Variants in USH2A observed in about 807,000 individuals in gnomAD.
USH2A encodes the protein usherin, also known as Usher syndrome 2A (autosomal recessive, mild).
A neutral mutation model predicts 538.9 loss-of-function variants in USH2A; 443 were observed. The ratio of observed to expected loss-of-function variants is 0.82; its 90% confidence interval spans 0.76 to 0.89. The LOEUF is 0.89. USH2A is among the 40% of genes least tolerant of loss of function. The pLI is 0.00. For missense variants in USH2A, 6,633 were observed against 6,324.8 expected, an observed-to-expected ratio of 1.05 and a Z score of -1.65; for synonymous variants, 2,413 against 2,273.5, an observed-to-expected ratio of 1.06 and a Z score of -1.75.
chr1:216,257,131 T>C (rs2036275565), intron 11 of USH2A, among the ~76,000 whole-genome samples: 1 of 152,040 alleles, frequency 6.6e-6, no homozygotes, highest in African/African-American at 2.4e-5. Flanking sequence ...GTGCTCTTTG[T>C]TTCTTTGTGC....
chr1:215,906,333 C>A (rs1665639925), intron 38 of USH2A, among the ~76,000 whole-genome samples: 1 of 151,980 alleles, frequency 6.6e-6, no homozygotes, highest in Admixed American at 6.6e-5. Context: ...GAATTACACT[C>A]CAAAATTGTA....
intron 64 of USH2A, among the ~76,000 whole-genome samples, chr1:215,666,174 T>A (rs949565406): frequency 6.6e-6 from 1 of 151,794 alleles, no homozygotes; most frequent in Non-Finnish European, 1.5e-5. Flanking sequence ...ACTAGAAAAA[T>A]CCCCTGTTTT....
intron 21 of USH2A, among the ~76,000 whole-genome samples, chr1:216,122,977 C>T (rs1571979269): frequency 6.6e-6 from 1 of 152,086 alleles, no homozygotes; most frequent in East Asian, 1.9e-4. Context: ...AATGACTGAA[C>T]ACTGAAAAGA....
chr1:215,913,093 AC>A (rs950698468), intron 38 of USH2A, among the ~76,000 whole-genome samples: 1 of 152,138 alleles, frequency 6.6e-6, no homozygotes, highest in African/African-American at 2.4e-5. Context: ...GAAAGATTAA[AC>A]ATTTGTGATA....
chr1:215,743,369 A>AAC (rs1660361584), intron 58 of USH2A, 34 bp from the exon 59 acceptor site: 2 of 928,120 alleles, frequency 2.2e-6, no homozygotes, highest in South Asian at 1.4e-5. Context: ...GAACATTAAA[A>AAC]ACATATATAT....
intron 37 of USH2A, among the ~76,000 whole-genome samples, chr1:215,950,977 AT>A (rs1165377925): frequency 1.3e-5 from 2 of 152,054 alleles, no homozygotes; most frequent in Non-Finnish European, 2.9e-5. Context: ...TGATCTATCA[AT>A]TTTGTTGATC....
At chr1:216,014,152 T>C (rs558685233) in intron 32 of USH2A, among the ~76,000 whole-genome samples, 22 of 152,030 alleles carry the variant, frequency 1.4e-4, no homozygotes, top group African/African-American at 5.1e-4. Context: ...GTGATCTGAT[T>C]GGGAAATTCT....
At chr1:215,741,564 T>C (rs1206540496) in intron 59 of USH2A, 27 bp from the exon 60 acceptor site, 1 of 1,609,534 alleles carries the variant, frequency 6.2e-7, no homozygotes, top group Non-Finnish European at 8.5e-7. Context: ...TTGAGGTCTT[T>C]ATTATTTTTC....
chr1:215,886,989 CT>C (rs898324895), intron 41 of USH2A, among the ~76,000 whole-genome samples: 37 of 152,246 alleles, frequency 2.4e-4, no homozygotes, highest in Middle Eastern at 6.8e-3. Context: ...TCCCGAGTAG[CT>C]GGGACTATAG....
chr1:216,119,656 A>T (rs978641986), intron 21 of USH2A, among the ~76,000 whole-genome samples: 50 of 152,260 alleles, frequency 3.3e-4, no homozygotes, highest in South Asian at 1.2e-3. Context: ...TTTTGACAAG[A>T]TAATTAAACA....
chr1:216,097,136 A>G lies in USH2A; in HGVS notation c.4705T>C (p.Tyr1569His). The change falls in exon 22 of 72, where the codon TAT becomes CAT. Residue 1569 changes from tyrosine (Y) to histidine (H), a missense_variant. By Grantham distance (83) the Tyr-to-His change is moderately conservative. Transcript: ENST00000307340. ...CCCTTCTTCAACTGAAGTGCAAAAT[A>G]CTCTTCCTGATTGCCAGGTGATGCT... ...FAASPGNQEE[Y>H]FALQLKKGRL... is the part of the protein sequence containing the mutation. 1 of 1,614,006 alleles carries G rather than the reference A, an allele frequency of 6.2e-7. No individual in the cohort carries two copies. Among genetic ancestry groups the G allele is most frequent in the Non-Finnish European group, 8.5e-7 (1 of 1,180,000 alleles).
intron 30 of USH2A, among the ~76,000 whole-genome samples, chr1:216,056,572 G>T (rs7538298): frequency 0.017 from 2,535 of 152,148 alleles, 96 homozygotes; most frequent in African/African-American, 0.058. Context: ...TTGAAAAATG[G>T]TAATTAAAAA....
At chr1:216,337,038 A>G (rs905990057) in intron 4 of USH2A, among the ~76,000 whole-genome samples, 11 of 151,662 alleles carry the variant, frequency 7.3e-5, no homozygotes, top group African/African-American at 2.6e-4. Flanking sequence ...TACAATTCAC[A>G]GTCACAAGTA....
chr1:215,940,652 A>C (rs1450433754), intron 37 of USH2A, among the ~76,000 whole-genome samples: 1 of 152,120 alleles, frequency 6.6e-6, no homozygotes, highest in Non-Finnish European at 1.5e-5. Flanking sequence ...TCTCCACAGG[A>C]TATTTTGAAA....
At chr1:215,637,739 G>A (rs559087401) in intron 69 of USH2A, among the ~76,000 whole-genome samples, 2 of 151,696 alleles carry the variant, frequency 1.3e-5, no homozygotes, top group Admixed American at 1.3e-4. Flanking sequence ...TAATATACAT[G>A]TTTCATCATG....
At chr1:216,403,642 C>A (rs1222594863) in intron 3 of USH2A, among the ~76,000 whole-genome samples, 1 of 151,946 alleles carries the variant, frequency 6.6e-6, no homozygotes, top group Non-Finnish European at 1.5e-5. Flanking sequence ...CATGCAGAAG[C>A]CAAAATTTAA....
intron 55 of USH2A, among the ~76,000 whole-genome samples, chr1:215,770,106 ACT>A (rs1017185675): frequency 6.6e-6 from 1 of 152,024 alleles, no homozygotes; most frequent in Non-Finnish European, 1.5e-5. Context: ...TTATAACAAA[ACT>A]CACATTTTCC....
In USH2A at chr1:215,992,825, A is replaced by C. The variant is rs1193295201; in HGVS notation, c.6805+195T>G. Among the ~76,000 whole-genome samples the C allele has an allele frequency of 6.6e-6, 1 of 152,196 alleles. No individual in the cohort carries two copies. Among genetic ancestry groups the C allele is most frequent in the Non-Finnish European group, 1.5e-5 (1 of 68,032 alleles). On this transcript the variant is annotated intron_variant, in intron 35 of 71. Coordinates refer to ENST00000307340, the MANE Select transcript of USH2A (RefSeq NM_206933.4). ...TACACAAAAACTATCAAAAGGGAGCACTTTTGAGCCACCAAAATTGTGTGT... is the reference window on the plus strand; with the variant it reads ...TACACAAAAACTATCAAAAGGGAGCCCTTTTGAGCCACCAAAATTGTGTGT...
chr1:216,085,515 T>C (rs1216844690), intron 24 of USH2A, among the ~76,000 whole-genome samples: 6 of 152,094 alleles, frequency 3.9e-5, no homozygotes. Flanking sequence ...CACAGCCACC[T>C]CCTTTCCTAT....
Sources: allele counts gnomAD v4.1 joint callset (sites outside exome capture counted in the v4.1 genomes callset), GRCh38; gene constraint gnomAD v4.1.1; transcripts MANE v1.5; gene names NCBI Gene and HGNC (gene_info 2026-07-23, HGNC 2026-07-21).